Variants in MYO15A observed in about 807,000 individuals in gnomAD.
MYO15A encodes the protein myosin XVA.
In MYO15A, 308 loss-of-function variants were observed where a neutral mutation model predicts 394.6. The observed-to-expected ratio is 0.78, with a 90% CI of 0.71 to 0.86. The LOEUF (loss-of-function observed/expected upper bound fraction) is 0.86, where lower values mean the gene tolerates loss of function less well. Ranked by LOEUF, MYO15A falls within the 40% of genes least tolerant of loss-of-function variation. The pLI, the probability that MYO15A is intolerant of heterozygous loss-of-function variation, is 0.00. For missense variants in MYO15A, 4,606 were observed against 4,799.1 expected (o/e 0.96, Z 1.19); for synonymous variants, 1,957 against 2,003.8 (o/e 0.98, Z 0.62).
intron 35 of MYO15A, chr17:18,149,947 T>C: frequency 6.3e-6 from 1 of 157,694 alleles, no homozygotes; most frequent in Non-Finnish European, 1.1e-5. Context: ...CAAGACCCTG[T>C]CTCAAAAAAA....
intron 24 of MYO15A, 84 bp downstream of exon 24, chr17:18,142,338 C>T: frequency 6.8e-7 from 1 of 1,479,930 alleles, no homozygotes; most frequent in African/African-American, 1.4e-5. Flanking sequence ...TGGTGAGCTC[C>T]CTATCCCTGG....
In MYO15A at chr17:18,121,611, ACGCCC is replaced by A; in HGVS notation, c.2812_2816del (p.Arg938ThrfsTer40). The A allele has an allele frequency of 6.3e-7, 1 of 1,592,522 alleles. No individual in the cohort carries two copies. Among genetic ancestry groups the A allele is most frequent in the Non-Finnish European group, 8.6e-7 (1 of 1,167,746 alleles). On this transcript the variant is annotated frameshift_variant, in exon 2 of 66. Coordinates refer to ENST00000647165, the MANE Select transcript of MYO15A (RefSeq NM_016239.4). LOFTEE classifies it high-confidence loss of function. The surrounding 1 kb of genome is among the most constrained non-coding windows in gnomAD (Gnocchi z 5.3). The stretch of plus-strand genomic sequence containing the variant: ...GGGACGTGGACATGCCTCCCACCCA[ACGCCC>A]ACCCTCCCCCTGGCCAGGAGGTGCA...
intron 62 of MYO15A, 71 bp from the exon 63 acceptor site, chr17:18,171,567 C>T (rs2046940135): frequency 1.2e-6 from 2 of 1,608,134 alleles, no homozygotes; most frequent in Admixed American, 3.3e-5. Flanking sequence ...CTCTGCATGC[C>T]TGCTGCACAG....
In MYO15A at chr17:18,151,117, C is replaced by T; in HGVS notation, c.7481C>T (p.Pro2494Leu). The T allele has an allele frequency of 6.2e-7, 1 of 1,613,956 alleles. No individual in the cohort carries two copies. ...ALRSLPAEKP[P>L]APEAQPTSVG... The stretch of plus-strand genomic sequence containing the variant: ...ACGTCCTGTTCTCCACAGAAACCCC[C>T]AGCACCAGAGGCACAGCCGACGTCT... The change falls in exon 39 of 66, where the codon CCA (proline) becomes CTA (leucine). Residue 2494 changes from proline to leucine, a missense_variant. By Grantham distance (98) the Pro-to-Leu change is moderately conservative. Coordinates refer to ENST00000647165, the MANE Select transcript of MYO15A (RefSeq NM_016239.4).
At chr17:18,159,739 T>C in intron 55 of MYO15A, 60 bp downstream of exon 55, 1 of 1,577,340 alleles carries the variant, frequency 6.3e-7, no homozygotes, top group African/African-American at 1.3e-5. Context: ...AGTTTCCCCA[T>C]CTATCAATGA....
At chr17:18,112,896 G>A (rs565238905) in intron 1 of MYO15A, among the ~76,000 whole-genome samples, 68 of 151,594 alleles carry the variant, frequency 4.5e-4, no homozygotes, top group African/African-American at 1.6e-3. Context: ...CACCTGGACC[G>A]GAGTGCAGTA....
At position 18,149,198 on chromosome 17, in the gene MYO15A, TG is replaced by T. The variant is rs1275035996; in HGVS notation, c.6957-17del. On this transcript the variant is annotated splice_polypyrimidine_tract_variant and intron_variant, in intron 33 of 65. Coordinates refer to ENST00000647165, the MANE Select transcript of MYO15A (RefSeq NM_016239.4). ...ATCTCTCTGGGGGTCAGTAGCTCCATGTTCCTTTTCTCCACAGGGTGTTTGG... is the reference window on the plus strand; with the variant it reads ...ATCTCTCTGGGGGTCAGTAGCTCCATTTCCTTTTCTCCACAGGGTGTTTGG... 4 of 1,613,850 alleles carry T rather than the reference TG, an allele frequency of 2.5e-6. No homozygotes were observed. Among genetic ancestry groups the T allele is most frequent in the Non-Finnish European group, 3.4e-6 (4 of 1,179,840 alleles).
At chr17:18,140,691 G>A (rs769610558) in intron 20 of MYO15A, 26 bp downstream of exon 20, 4 of 1,613,790 alleles carry the variant, frequency 2.5e-6, no homozygotes, top group Non-Finnish European at 3.4e-6. Flanking sequence ...GGTGGGCGGA[G>A]CACCCAGCCT....
Position 18,173,883 on chromosome 17 carries a change from G to A in MYO15A, c.10453G>A (p.Val3485Met), listed in dbSNP as rs369806356. 1.8e-5 allele frequency: 29 copies of A among 1,612,922 alleles called. No homozygotes were observed. The highest frequency in any genetic ancestry group is 1.3e-4 in the South Asian group (12 of 91,008). The change falls in exon 65 of 66, where the codon GTG becomes ATG. Residue 3485 changes from valine (V) to methionine (M), a missense_variant. Around this residue, in one of 2 missense-constraint regions of MYO15A, gnomAD observed 2,776 missense variants for 3,109.3 expected, o/e 0.89. Coordinates refer to ENST00000647165, the MANE Select transcript of MYO15A (RefSeq NM_016239.4). ...CTATGTGGAGATTGCGCTGGGGGAC[G>A]TGGCGGCCCAGCGCACCTTGCAGCT... ...YPYVEIALGD[V>M]AAQRTLQLQL...
In MYO15A at chr17:18,121,314, G is replaced by C. The variant is rs953132094; in HGVS notation, c.2514G>C (p.Ser838=). 1.3e-5 allele frequency: 17 copies of C among 1,326,942 alleles called. No individual in the cohort carries two copies. In the African/African-American group the frequency reaches 2.4e-4, roughly 18 times the overall value. The allele number at this position is 1,326,942 out of a possible 1,614,324, so 82.2% of individuals were successfully genotyped here. ...RAAGRLGPPG[S]PLPGSPRPPS... ...CTGGGCGCCTGGGCCCACCCGGCTCGCCGCTGCCGGGCTCACCCAGGCCGC... is the reference window on the plus strand; with the variant it reads ...CTGGGCGCCTGGGCCCACCCGGCTCCCCGCTGCCGGGCTCACCCAGGCCGC... The change falls in exon 2 of 66, where the codon TCG becomes TCC. Residue 838 remains serine (S), a synonymous_variant. Transcript: ENST00000647165. This position sits in a 1 kb window ranked among gnomAD's most constrained non-coding sequence, Gnocchi z 5.3.
At position 18,118,567 on chromosome 17, in the gene MYO15A, C is replaced by A; in HGVS notation, c.-219-15C>A. The A allele has an allele frequency of 1.7e-6, 1 of 596,946 alleles. No individual in the cohort carries two copies. Among genetic ancestry groups the A allele is most frequent in the Non-Finnish European group, 2.9e-6 (1 of 340,628 alleles). 37.0% of individuals were successfully genotyped at this position (596,946 alleles called of 1,614,324 possible). On this transcript the variant is annotated splice_polypyrimidine_tract_variant and intron_variant, in intron 1 of 65. Coordinates refer to ENST00000647165, the MANE Select transcript of MYO15A (RefSeq NM_016239.4). ...CTGGTAAACAACACCCACACACTTT[C>A]TACTACTGCTCTAGGGTGAAACCCA...
chr17:18,176,290 G>A (rs867073929), intron 65 of MYO15A, among the ~76,000 whole-genome samples: 2 of 152,126 alleles, frequency 1.3e-5, no homozygotes, highest in Non-Finnish European at 2.9e-5. Flanking sequence ...CTTCTGTGGA[G>A]GCCTCACGAA....
rs929255202 is a variant in MYO15A at position 18,157,755 on chromosome 17, G to A, written c.8822G>A (p.Gly2941Asp). The A allele has an allele frequency of 6.2e-7, 1 of 1,606,222 alleles. No individual in the cohort carries two copies. The highest frequency in any genetic ancestry group is 8.5e-7 in the Non-Finnish European group (1 of 1,179,870). The change falls in exon 51 of 66, where the codon GGC becomes GAC. Residue 2941 changes from glycine to aspartate, a missense_variant. Gly to Asp is a moderately conservative substitution (Grantham distance 94). This residue lies in a region of MYO15A where 2,776 missense variants were observed against 3,109.3 expected (regional missense o/e 0.89). Transcript: ENST00000647165. ...WRFGTIHGRVGRFPSELVQPA... is the reference protein window; with the variant it reads ...WRFGTIHGRVDRFPSELVQPA... ...TTCGGGACCATCCACGGGCGCGTGG[G>A]CCGCTTCCCTTCGGAGCTGGTGCAG...
At chr17:18,122,530 T>C in intron 2 of MYO15A, 121 bp downstream of exon 2, 1 of 1,414,892 alleles carries the variant, frequency 7.1e-7, no homozygotes, top group Non-Finnish European at 9.3e-7. Context: ...GGCCTCAGTC[T>C]CTGGGTCTGT....
Position 18,142,242 on chromosome 17 carries a change from G to A in MYO15A, c.5813G>A (p.Gly1938Asp). The change falls in exon 24 of 66, where the codon GGC (glycine) becomes GAC (aspartate). Residue 1938 changes from glycine (G) to aspartate (D), a missense_variant. Gly to Asp is a moderately conservative substitution (Grantham distance 94, BLOSUM62 -1). Transcript: ENST00000647165. ...KIILLQSRAR[G>D]YLARQRYQQM... ...ATCCTGCTGCAAAGCCGGGCCCGTGGCTACCTTGCCAGGTGAGGCACAGAA... is the reference window on the plus strand; with the variant it reads ...ATCCTGCTGCAAAGCCGGGCCCGTGACTACCTTGCCAGGTGAGGCACAGAA... 1 of 1,612,614 alleles carries A rather than the reference G, an allele frequency of 6.2e-7. No homozygotes were observed. The highest frequency in any genetic ancestry group is 2.2e-5 in the East Asian group (1 of 44,880).
At chr17:18,176,573 G>A (rs979738789) in intron 65 of MYO15A, 8 of 97,602 alleles carry the variant, frequency 8.2e-5, no homozygotes, top group Non-Finnish European at 1.1e-4. Context: ...TTACTACAGT[G>A]TCTTGCTCTG....
rs2045884680 is a variant in MYO15A at position 18,120,143 on chromosome 17, C to A, written c.1343C>A (p.Thr448Asn). Residue 448 changes from threonine (T) to asparagine (N), a missense_variant, in exon 2 of 66, where the codon ACC becomes AAC. By Grantham distance (65) the Thr-to-Asn change is moderately conservative. Around this residue, in one of 2 missense-constraint regions of MYO15A, gnomAD observed 1,830 missense variants for 1,689.7 expected, o/e 1.08. Coordinates refer to ENST00000647165, the MANE Select transcript of MYO15A (RefSeq NM_016239.4). ...PEDAGVERQG[T>N]SFRLPSAAFF... ...GACGCGGGCGTAGAGCGTCAGGGGA[C>A]CTCCTTCCGCCTGCCCAGCGCCGCC... 1 of 1,612,906 alleles carries A rather than the reference C, an allele frequency of 6.2e-7. No homozygotes were observed. Among genetic ancestry groups the A allele is most frequent in the African/African-American group, 1.3e-5 (1 of 75,064 alleles).
intron 50 of MYO15A, 111 bp downstream of exon 50, chr17:18,157,341 T>C: frequency 7.0e-7 from 1 of 1,418,504 alleles, no homozygotes. Flanking sequence ...CCTGGGCTGG[T>C]CAGGTCTCCT....
rs1354364137 is a variant in MYO15A, at chr17:18,140,843, G to T, written c.5406+11G>T. ...CCCAACCACAAGAAGGTGAGTGAGAGCTGAGGCCTCTGAGAGAGCCAAATC... is the reference window on the plus strand; with the variant it reads ...CCCAACCACAAGAAGGTGAGTGAGATCTGAGGCCTCTGAGAGAGCCAAATC... On this transcript the variant is annotated intron_variant, in intron 21 of 65. Coordinates refer to ENST00000647165, the MANE Select transcript of MYO15A (RefSeq NM_016239.4). 5 of 1,614,064 alleles carry T rather than the reference G, an allele frequency of 3.1e-6. No individual in the cohort carries two copies. The highest frequency in any genetic ancestry group is 4.2e-6 in the Non-Finnish European group (5 of 1,180,038).
Sources: gnomAD v4.1 joint callset for allele counts (sites outside exome capture counted in the v4.1 genomes callset) on GRCh38, gnomAD v4.1.1 for gene constraint, gnomAD v4.1.1 regional missense constraint, Gnocchi (gnomAD v3.1) non-coding constraint, MANE v1.5 for transcripts, NCBI Gene and HGNC (gene_info 2026-07-23, HGNC 2026-07-21) for gene names.